Variants in PDE1C observed in about 807,000 individuals in gnomAD.
PDE1C encodes dual specificity calcium/calmodulin-dependent 3',5'-cyclic nucleotide phosphodiesterase 1C.
PDE1C carries 62 observed loss-of-function variants against 93.1 expected under a neutral mutation model. The ratio of observed to expected loss-of-function variants is 0.67; its 90% CI spans 0.54 to 0.82. PDE1C has a LOEUF of 0.82. Among genes scored for constraint, PDE1C ranks in the 40% least tolerant of loss-of-function variants. The pLI, the probability that PDE1C is intolerant of heterozygous loss-of-function variation, is 0.00. For missense variants in PDE1C, 742 were observed against 884.6 expected, an observed-to-expected ratio of 0.84 and a Z score of 2.04; for synonymous variants, 325 against 310.1, an observed-to-expected ratio of 1.05 and a Z score of -0.50.
chr7:31,719,787 G>A, the PDE1C span, among the ~76,000 whole-genome samples: 1 of 152,162 alleles, frequency 6.6e-6, no homozygotes, highest in Admixed American at 6.5e-5. Context: ...CTTCTACTCC[G>A]AAAGAAACCA....
chr7:31,999,772 T>C (rs1324512057), intron 2 of PDE1C, among the ~76,000 whole-genome samples: 1 of 152,180 alleles, frequency 6.6e-6, no homozygotes, highest in South Asian at 2.1e-4. Context: ...TGCCTTAAAG[T>C]TTTGGTAATT....
chr7:31,887,610 C>G (rs957263430), intron 2 of PDE1C, among the ~76,000 whole-genome samples: 1 of 152,130 alleles, frequency 6.6e-6, no homozygotes, highest in Non-Finnish European at 1.5e-5. Flanking sequence ...ACCTAGTTGG[C>G]ATGGACCGGA....
At chr7:32,010,390 G>T (rs1380393562) in intron 2 of PDE1C, among the ~76,000 whole-genome samples, 1 of 152,130 alleles carries the variant, frequency 6.6e-6, no homozygotes, top group Non-Finnish European at 1.5e-5. Flanking sequence ...ATTCAATGGA[G>T]AAAGATAATC....
At chr7:32,404,647 C>T (rs1785015662) in intron 1 of PDE1C, among the ~76,000 whole-genome samples, 1 of 152,114 alleles carries the variant, frequency 6.6e-6, no homozygotes, top group Non-Finnish European at 1.5e-5. Flanking sequence ...AGTTATTTTT[C>T]AATAGCTGTT....
chr7:32,372,052 A>ATTTTT (rs70989652), intron 1 of PDE1C, among the ~76,000 whole-genome samples: 1 of 132,462 alleles, frequency 7.5e-6, no homozygotes, highest in Non-Finnish European at 1.6e-5. Context: ...TGGTCAATTG[A>ATTTTT]TTTTTTTTTT....
intron 1 of PDE1C, among the ~76,000 whole-genome samples, chr7:32,332,061 G>T (rs1189090199): frequency 6.6e-6 from 1 of 152,172 alleles, no homozygotes; most frequent in Non-Finnish European, 1.5e-5. Flanking sequence ...GAGAATAAGT[G>T]CCAAGCATCC....
At chr7:31,703,950 A>G in the PDE1C span, among the ~76,000 whole-genome samples, 24 of 152,320 alleles carry the variant, frequency 1.6e-4, 2 homozygotes, top group South Asian at 5.0e-3. Flanking sequence ...AGGGGCCCTC[A>G]TCGCAGTGAC....
intron 2 of PDE1C, among the ~76,000 whole-genome samples, chr7:32,196,328 G>T (rs1804615676): frequency 6.6e-6 from 1 of 152,110 alleles, no homozygotes; most frequent in Non-Finnish European, 1.5e-5. Flanking sequence ...TTTCTGTCTT[G>T]CTAGGCTTCC....
intron 2 of PDE1C, among the ~76,000 whole-genome samples, chr7:31,948,770 A>T (rs1352120740): frequency 6.6e-6 from 1 of 152,158 alleles, no homozygotes; most frequent in Non-Finnish European, 1.5e-5. Flanking sequence ...AAGATGACAG[A>T]TGTTTTGTTA....
chr7:32,049,474 G>T (rs1326786845), intron 2 of PDE1C, among the ~76,000 whole-genome samples: 2 of 152,028 alleles, frequency 1.3e-5, no homozygotes, highest in African/African-American at 2.4e-5. Context: ...ATAGTGATAA[G>T]AATAAAAGAG....
chr7:32,260,414 C>T (rs957328514), intron 1 of PDE1C, among the ~76,000 whole-genome samples: 2 of 152,190 alleles, frequency 1.3e-5, no homozygotes, highest in African/African-American at 4.8e-5. Context: ...TGTGAGATGA[C>T]GTATGTGTGA....
At chr7:31,795,137 C>T (rs3807626) in intron 16 of PDE1C, among the ~76,000 whole-genome samples, 73,544 of 151,726 alleles carry the variant, frequency 0.48, 19,941 homozygotes, top group African/African-American at 0.74. Flanking sequence ...TTGCTGAATA[C>T]TGCATTTAAT....
intron 2 of PDE1C, among the ~76,000 whole-genome samples, chr7:31,996,124 G>A (rs114167414): frequency 6.6e-6 from 1 of 151,420 alleles, no homozygotes; most frequent in African/African-American, 2.4e-5. Context: ...CATTCACTGG[G>A]TGTAAAAACC....
At chr7:31,968,983 A>G (rs1810480851) in intron 2 of PDE1C, among the ~76,000 whole-genome samples, 1 of 152,222 alleles carries the variant, frequency 6.6e-6, no homozygotes, top group Non-Finnish European at 1.5e-5. Context: ...AATTAATTCA[A>G]GATGGATTGA....
At chr7:31,634,338 TTAA>T in the PDE1C span, among the ~76,000 whole-genome samples, 4 of 152,366 alleles carry the variant, frequency 2.6e-5, no homozygotes, top group African/African-American at 4.8e-5. Context: ...ACAGATAATA[TTAA>T]TAATGATGTC....
the PDE1C span, chr7:31,643,432 C>A: frequency 9.3e-6 from 15 of 1,613,900 alleles, no homozygotes; most frequent in Non-Finnish European, 1.3e-5. Flanking sequence ...GGGTCAGATA[C>A]TACCTGGGAC....
At chr7:31,623,616 G>C in the PDE1C span, among the ~76,000 whole-genome samples, 3 of 137,580 alleles carry the variant, frequency 2.2e-5, no homozygotes, top group Non-Finnish European at 4.8e-5. Flanking sequence ...AAAATAATAA[G>C]AGCTATCTAT....
intron 15 of PDE1C, among the ~76,000 whole-genome samples, chr7:31,810,769 T>C (rs1410818014): frequency 2.0e-5 from 3 of 152,124 alleles, no homozygotes; most frequent in Admixed American, 6.6e-5. Context: ...ACTATAGTAT[T>C]TGCAACTTCT....
intron 1 of PDE1C, among the ~76,000 whole-genome samples, chr7:32,393,158 AT>A (rs1182878480): frequency 9.9e-5 from 15 of 151,974 alleles, no homozygotes; most frequent in Non-Finnish European, 2.1e-4. Context: ...AGCTGAACTC[AT>A]ACAAATAATG....
Sources: allele counts gnomAD v4.1 joint callset (sites outside exome capture counted in the v4.1 genomes callset), GRCh38; gene constraint gnomAD v4.1.1; transcripts MANE v1.5; gene names NCBI Gene and HGNC (gene_info 2026-07-23, HGNC 2026-07-21).